ZFAT: variants seen among roughly 807,000 people sequenced by gnomAD.
ZFAT encodes the protein zinc finger protein ZFAT.
In ZFAT, 64 loss-of-function variants were observed where a neutral mutation model predicts 117.7. The observed-to-expected ratio is 0.54, with a 90% CI of 0.44 to 0.67. ZFAT has a LOEUF of 0.67. ZFAT is among the 30% of genes least tolerant of loss of function. The pLI, the probability that ZFAT is intolerant of heterozygous loss-of-function variation, is 0.00. For missense variants in ZFAT, 1,433 were observed against 1,584.5 expected, an observed-to-expected ratio of 0.90 and a Z score of 1.62; for synonymous variants, 679 against 615.0, an observed-to-expected ratio of 1.10 and a Z score of -1.54.
At chr8:134,615,951 G>C (rs72719784) in intron 3 of ZFAT, among the ~76,000 whole-genome samples, 5 of 152,208 alleles carry the variant, frequency 3.3e-5, no homozygotes, top group Non-Finnish European at 7.3e-5. Flanking sequence ...AAAAGAACAC[G>C]CATGCTCGCT....
intron 12 of ZFAT, among the ~76,000 whole-genome samples, chr8:134,530,593 A>G (rs1227588483): frequency 3.9e-5 from 6 of 152,172 alleles, no homozygotes; most frequent in Admixed American, 3.3e-4. Flanking sequence ...CTCCTTCTTC[A>G]ACATGTCCCT....
At chr8:134,559,377 T>C (rs1371567419) in intron 11 of ZFAT, among the ~76,000 whole-genome samples, 3 of 152,218 alleles carry the variant, frequency 2.0e-5, no homozygotes, top group African/African-American at 7.2e-5. Context: ...TCTATAGAAG[T>C]AGAGAGATCC....
At chr8:134,595,264 A>G (rs1419604104) in intron 7 of ZFAT, among the ~76,000 whole-genome samples, 2 of 152,142 alleles carry the variant, frequency 1.3e-5, no homozygotes, top group African/African-American at 4.8e-5. Flanking sequence ...GACAAGTTCT[A>G]TTTTATTTTA....
chr8:134,755,547 C>T, the ZFAT span, among the ~76,000 whole-genome samples: 9 of 151,768 alleles, frequency 5.9e-5, no homozygotes, highest in East Asian at 5.8e-4. Flanking sequence ...TGCGGTGGCT[C>T]ATGCCTGTAA....
At chr8:134,566,347 T>G (rs371513623) in intron 10 of ZFAT, among the ~76,000 whole-genome samples, 1 of 121,578 alleles carries the variant, frequency 8.2e-6, no homozygotes, top group Admixed American at 1.2e-4. Context: ...TGAGCCGAGA[T>G]AGCGCTACTG....
At chr8:134,550,001 T>C (rs1823009621) in intron 11 of ZFAT, among the ~76,000 whole-genome samples, 1 of 152,154 alleles carries the variant, frequency 6.6e-6, no homozygotes, top group South Asian at 2.1e-4. Flanking sequence ...CGTGTTAGCA[T>C]GTAAAGAAGT....
At chr8:134,485,462 T>C (rs1817599926) in intron 15 of ZFAT, among the ~76,000 whole-genome samples, 1 of 152,192 alleles carries the variant, frequency 6.6e-6, no homozygotes, top group Admixed American at 6.5e-5. Context: ...CTGGGAAACA[T>C]GTTCTCAAAA....
intron 11 of ZFAT, among the ~76,000 whole-genome samples, chr8:134,561,884 G>A (rs1025376581): frequency 3.3e-5 from 5 of 152,154 alleles, no homozygotes; most frequent in Non-Finnish European, 5.9e-5. Context: ...AAGAAAAGTG[G>A]GGGGGTATGG....
the ZFAT span, among the ~76,000 whole-genome samples, chr8:134,755,593 C>T: frequency 1.3e-5 from 2 of 151,752 alleles, no homozygotes; most frequent in Non-Finnish European, 2.9e-5. Flanking sequence ...AAGCAGATCA[C>T]CTGAGGTCAG....
In ZFAT at chr8:134,637,715, A is replaced by G; in HGVS notation, c.197-3T>C. On this transcript the variant is annotated splice_region_variant and splice_polypyrimidine_tract_variant and intron_variant, in intron 2 of 15. Transcript: ENST00000377838. ...CTTCCTCTTCATGACCAAAAACTCT[A>G]CAGAGGAAACAAGAGGGCACAATGG... 6.2e-7 allele frequency: 1 copy of G among 1,612,322 alleles called. No individual in the cohort carries two copies. Among genetic ancestry groups the G allele is most frequent in the Non-Finnish European group, 8.5e-7 (1 of 1,178,832 alleles).
At chr8:134,732,396 G>T in the ZFAT span, among the ~76,000 whole-genome samples, 1 of 152,178 alleles carries the variant, frequency 6.6e-6, no homozygotes, top group Admixed American at 6.5e-5. Flanking sequence ...CAGAAGGCAG[G>T]CAGACTGATG....
intron 15 of ZFAT, among the ~76,000 whole-genome samples, chr8:134,494,362 C>A (rs949564059): frequency 7.4e-6 from 1 of 134,474 alleles, no homozygotes; most frequent in African/African-American, 2.8e-5. Context: ...GCTTTGTCAG[C>A]CTGAAGGGCA....
At chr8:134,756,079 T>A in the ZFAT span, among the ~76,000 whole-genome samples, 32 of 152,186 alleles carry the variant, frequency 2.1e-4, no homozygotes, top group South Asian at 1.2e-3. Context: ...CCTGTAGGGC[T>A]CTTTCCCTAC....
intron 3 of ZFAT, among the ~76,000 whole-genome samples, chr8:134,615,823 G>A (rs561171943): frequency 2.6e-5 from 4 of 152,332 alleles, no homozygotes; most frequent in East Asian, 1.9e-4. Context: ...CTTTCCAACC[G>A]ATTCAGGCAC....
At chr8:134,591,605 G>T (rs1343225815) in intron 7 of ZFAT, among the ~76,000 whole-genome samples, 1 of 152,164 alleles carries the variant, frequency 6.6e-6, no homozygotes, top group Non-Finnish European at 1.5e-5. Flanking sequence ...TTGGAGATAG[G>T]GTCTTTACAG....
intron 3 of ZFAT, among the ~76,000 whole-genome samples, chr8:134,622,100 C>T (rs1443319771): frequency 6.6e-6 from 1 of 152,196 alleles, no homozygotes; most frequent in East Asian, 1.9e-4. Context: ...GCCAGTCTGT[C>T]GACTTCACGC....
At position 134,705,442 on chromosome 8, in the gene ZFAT, C is replaced by A. The variant is rs372646229; in HGVS notation, c.19+7403G>T. On this transcript the variant is annotated intron_variant, in intron 1 of 15. Transcript: ENST00000377838. ...ATGTTGCCAAGGATAATCTTGAACT[C>A]CTGTCCTCAAGCAGTCCTCCCACCT... Among the ~76,000 whole-genome samples the A allele has an allele frequency of 2.6e-4, 39 of 148,452 alleles. 1 individual carries two copies. The highest frequency in any genetic ancestry group is 9.5e-4 in the African/African-American group (38 of 40,132).
the ZFAT span, among the ~76,000 whole-genome samples, chr8:134,774,227 C>T: frequency 3.3e-5 from 5 of 152,178 alleles, no homozygotes; most frequent in African/African-American, 1.2e-4. Flanking sequence ...GAACTCCTGA[C>T]TTCAGGTGAT....
intron 2 of ZFAT, among the ~76,000 whole-genome samples, chr8:134,647,299 A>G (rs1181583495): frequency 1.3e-5 from 2 of 152,220 alleles, no homozygotes; most frequent in African/African-American, 2.4e-5. Flanking sequence ...AAGTATGGGG[A>G]AAAGTTTGAC....
Sources: gnomAD v4.1 joint callset for allele counts (sites outside exome capture counted in the v4.1 genomes callset) on GRCh38, gnomAD v4.1.1 for gene constraint, MANE v1.5 for transcripts, NCBI Gene and HGNC (gene_info 2026-07-23, HGNC 2026-07-21) for gene names.